Variants in EFCAB5 observed in about 807,000 individuals in gnomAD.
EFCAB5 encodes EF-hand calcium-binding domain-containing protein 5.
Under a neutral mutation model 167.9 loss-of-function variants are expected in EFCAB5, and 131 were observed. That is an observed-to-expected ratio of 0.78 (90% CI 0.68 to 0.90). EFCAB5 has a LOEUF of 0.90. Ranked by LOEUF, EFCAB5 falls within the 40% of genes least tolerant of loss-of-function variation. The probability of loss-of-function intolerance (pLI) is 0.00; values close to 1 mark genes in which losing one functional copy is unlikely to be tolerated. For missense variants in EFCAB5, 1,663 were observed against 1,745.2 expected (o/e 0.95, Z 0.84); for synonymous variants, 574 against 602.8 (o/e 0.95, Z 0.70).
At chr17:30,086,339 C>T (rs943175579) in intron 18 of EFCAB5, among the ~76,000 whole-genome samples, 1 of 152,044 alleles carries the variant, frequency 6.6e-6, no homozygotes, top group East Asian at 1.9e-4. Context: ...TGTGGGTTGA[C>T]CTACAGTTTG....
chr17:30,061,232 G>A (rs1225885555), intron 14 of EFCAB5, among the ~76,000 whole-genome samples: 3 of 152,160 alleles, frequency 2.0e-5, no homozygotes, highest in South Asian at 2.1e-4. Flanking sequence ...TATACAAAAC[G>A]ACTCTCAATA....
intron 15 of EFCAB5, among the ~76,000 whole-genome samples, chr17:30,079,677 T>C (rs2070943657): frequency 6.6e-6 from 1 of 152,160 alleles, no homozygotes; most frequent in African/African-American, 2.4e-5. Context: ...TCAAGAAATA[T>C]GAGTGAAGTG....
intron 4 of EFCAB5, among the ~76,000 whole-genome samples, chr17:29,979,122 T>G (rs1396442722): frequency 1.3e-5 from 2 of 152,022 alleles, no homozygotes; most frequent in African/African-American, 4.8e-5. Flanking sequence ...GAGGCCGAGG[T>G]GGGTGGATCA....
chr17:30,052,745 G>T (rs1351396935), intron 9 of EFCAB5, among the ~76,000 whole-genome samples: 1 of 152,112 alleles, frequency 6.6e-6, no homozygotes, highest in Non-Finnish European at 1.5e-5. Context: ...TAACTGTAGA[G>T]GAAAATAATT....
At chr17:29,985,569 A>T (rs1002479264) in intron 4 of EFCAB5, among the ~76,000 whole-genome samples, 3 of 152,196 alleles carry the variant, frequency 2.0e-5, no homozygotes, top group African/African-American at 4.8e-5. Context: ...AGTGATAAGC[A>T]TTGTTTCTAT....
chr17:30,003,932 A>C (rs561343716), intron 7 of EFCAB5, among the ~76,000 whole-genome samples: 2 of 152,328 alleles, frequency 1.3e-5, no homozygotes, highest in Admixed American at 1.3e-4. Context: ...AGTTCAGCTA[A>C]AATCCAAGTT....
chr17:30,042,780 A>G (rs906060590), intron 8 of EFCAB5, among the ~76,000 whole-genome samples: 1 of 152,222 alleles, frequency 6.6e-6, no homozygotes, highest in Non-Finnish European at 1.5e-5. Context: ...ACACTTCCCA[A>G]CTCATTTTAT....
At chr17:30,064,252 T>C (rs4476222) in intron 14 of EFCAB5, among the ~76,000 whole-genome samples, 150,975 of 152,302 alleles carry the variant, frequency 0.99, 74,879 homozygotes, top group Middle Eastern at 1. Flanking sequence ...AAATTCAGAT[T>C]GACAGTTCAA....
intron 14 of EFCAB5, among the ~76,000 whole-genome samples, chr17:30,075,682 C>T (rs2070854295): frequency 6.6e-6 from 1 of 152,116 alleles, no homozygotes; most frequent in Non-Finnish European, 1.5e-5. Context: ...TCTTTACCCA[C>T]ATGGACTGAA....
At chr17:30,081,687 T>C (rs1231060933) in intron 17 of EFCAB5, among the ~76,000 whole-genome samples, 2 of 152,204 alleles carry the variant, frequency 1.3e-5, no homozygotes, top group South Asian at 2.1e-4. Flanking sequence ...CCTTTGGCTC[T>C]TTATGTTTAT....
At chr17:30,012,014 G>A (rs2068914941) in intron 7 of EFCAB5, among the ~76,000 whole-genome samples, 1 of 152,106 alleles carries the variant, frequency 6.6e-6, no homozygotes. Context: ...ACAGAGATAG[G>A]AGCTGAGGGG....
At position 29,942,243 on chromosome 17, in the gene EFCAB5, A is replaced by G; in HGVS notation, c.46A>G (p.Asn16Asp). The change falls in exon 2 of 23, where the codon AAC (asparagine) becomes GAC (aspartate). Residue 16 changes from asparagine to aspartate, a missense_variant. Asn to Asp is a conservative substitution (Grantham distance 23, BLOSUM62 1). Transcript: ENST00000394835. ...SQEELRPAQE[N>D]RKEDKERKWN... is the part of the protein sequence containing the mutation. Reference sequence around the variant, plus strand: ...ACTAACACTGTTTGCATTTCAGGAAAACAGAAAAGAAGACAAAGAGAGGAA... The same window carrying G: ...ACTAACACTGTTTGCATTTCAGGAAGACAGAAAAGAAGACAAAGAGAGGAA... 6.3e-7 allele frequency: 1 copy of G among 1,585,118 alleles called. No individual in the cohort carries two copies. The highest frequency in any genetic ancestry group is 8.6e-7 in the Non-Finnish European group (1 of 1,165,510).
At chr17:30,013,019 T>C (rs886104306) in intron 7 of EFCAB5, among the ~76,000 whole-genome samples, 1 of 152,222 alleles carries the variant, frequency 6.6e-6, no homozygotes, top group Admixed American at 6.5e-5. Context: ...ACAAAGGCTG[T>C]TGAATTTTGT....
At chr17:30,092,770 C>T in intron 21 of EFCAB5, 70 bp from the exon 22 acceptor site, 1 of 1,001,770 alleles carries the variant, frequency 1.0e-6, no homozygotes, top group South Asian at 1.5e-5. Flanking sequence ...ATTATGTAAG[C>T]TGTTGAACTG....
intron 20 of EFCAB5, among the ~76,000 whole-genome samples, chr17:30,091,387 C>G (rs1333043409): frequency 6.6e-6 from 1 of 152,032 alleles, no homozygotes; most frequent in Non-Finnish European, 1.5e-5. Context: ...GGGATTGAGC[C>G]AAAAGATTTG....
At chr17:30,031,097 AG>A (rs2069468311) in intron 7 of EFCAB5, among the ~76,000 whole-genome samples, 1 of 152,124 alleles carries the variant, frequency 6.6e-6, no homozygotes. Context: ...CTGACTTATG[AG>A]TAATATAGAA....
intron 3 of EFCAB5, among the ~76,000 whole-genome samples, chr17:29,951,852 A>G (rs1268986113): frequency 1.3e-5 from 2 of 152,198 alleles, no homozygotes; most frequent in Non-Finnish European, 2.9e-5. Flanking sequence ...CCACTGCTCT[A>G]CAGTAGGAAC....
chr17:30,092,287 G>A (rs530285672), intron 21 of EFCAB5, 130 bp downstream of exon 21: 19 of 956,816 alleles, frequency 2.0e-5, no homozygotes, highest in East Asian at 7.9e-5. Flanking sequence ...ACACGTTCAC[G>A]TAACCAGACC....
intron 22 of EFCAB5, among the ~76,000 whole-genome samples, chr17:30,100,330 T>A (rs1433466723): frequency 6.6e-6 from 1 of 152,056 alleles, no homozygotes; most frequent in Non-Finnish European, 1.5e-5. Context: ...GGATAAGCAA[T>A]AAACATAATA....
Sources: gnomAD v4.1 joint callset for allele counts (sites outside exome capture counted in the v4.1 genomes callset) on GRCh38, gnomAD v4.1.1 for gene constraint, MANE v1.5 for transcripts, NCBI Gene and HGNC (gene_info 2026-07-23, HGNC 2026-07-21) for gene names.